The following HS6ST3 variants were observed in gnomAD, a reference collection of about 807,000 sequenced individuals.
HS6ST3 encodes the protein heparan-sulfate 6-O-sulfotransferase 3.
Under a neutral mutation model 36.7 loss-of-function variants are expected in HS6ST3, and 12 were observed. The observed-to-expected ratio is 0.33, with a 90% CI of 0.21 to 0.53. The LOEUF (loss-of-function observed/expected upper bound fraction) is 0.53, where lower values mean the gene tolerates loss of function less well. Among genes scored for constraint, HS6ST3 ranks in the 20% least tolerant of loss-of-function variants. The pLI, the probability that HS6ST3 is intolerant of heterozygous loss-of-function variation, is 0.95. For synonymous variants in HS6ST3, 240 were observed against 257.5 expected, an observed-to-expected ratio of 0.93 and a Z score of 0.65; for missense variants, 584 against 640.9, an observed-to-expected ratio of 0.91 and a Z score of 0.96.
intron 1 of HS6ST3, among the ~76,000 whole-genome samples, chr13:96,740,033 T>C (rs1181638163): frequency 1.3e-5 from 2 of 152,192 alleles, no homozygotes; most frequent in Non-Finnish European, 2.9e-5. Context: ...CTGTAAAATT[T>C]TGCCACCTAT....
At chr13:96,366,448 C>CAAATAAATAAAT (rs3086049) in intron 1 of HS6ST3, among the ~76,000 whole-genome samples, 1,825 of 148,636 alleles carry the variant, frequency 0.012, 14 homozygotes, top group South Asian at 0.02. Flanking sequence ...GACCTTGTCT[C>CAAATAAATAAAT]AAATAAATAA....
chr13:96,307,020 C>A (rs2054917186), intron 1 of HS6ST3, among the ~76,000 whole-genome samples: 1 of 152,116 alleles, frequency 6.6e-6, no homozygotes, highest in African/African-American at 2.4e-5. Flanking sequence ...ATCCAAAATT[C>A]ATACACCAAA....
intron 1 of HS6ST3, among the ~76,000 whole-genome samples, chr13:96,432,080 A>T (rs992068115): frequency 6.6e-6 from 1 of 152,286 alleles, no homozygotes; most frequent in South Asian, 2.1e-4. Flanking sequence ...CCCAGAACAA[A>T]GTATGGAAAT....
intron 1 of HS6ST3, among the ~76,000 whole-genome samples, chr13:96,363,115 T>C (rs2055246495): frequency 6.6e-6 from 1 of 151,950 alleles, no homozygotes; most frequent in Non-Finnish European, 1.5e-5. Flanking sequence ...TGTGATCGAA[T>C]TGCATAGGAC....
intron 1 of HS6ST3, among the ~76,000 whole-genome samples, chr13:96,757,433 A>T (rs1485837117): frequency 3.3e-5 from 5 of 152,198 alleles, no homozygotes; most frequent in African/African-American, 1.2e-4. Context: ...GAAAATACAG[A>T]TGATTTTACT....
chr13:96,380,699 G>T (rs1400737839), intron 1 of HS6ST3, among the ~76,000 whole-genome samples: 2 of 152,134 alleles, frequency 1.3e-5, no homozygotes, highest in African/African-American at 4.8e-5. Flanking sequence ...GCTAAATAAA[G>T]AAATAGTTTT....
chr13:96,533,583 A>G (rs1357073056), intron 1 of HS6ST3, among the ~76,000 whole-genome samples: 3 of 152,198 alleles, frequency 2.0e-5, no homozygotes, highest in Admixed American at 6.5e-5. Flanking sequence ...GAAGACATCA[A>G]CGGGGGCAGA....
chr13:96,212,737 A>T (rs575961923), intron 1 of HS6ST3, among the ~76,000 whole-genome samples: 1 of 152,178 alleles, frequency 6.6e-6, no homozygotes, highest in African/African-American at 2.4e-5. Context: ...TAAAGTGTGT[A>T]AGAATTTGGG....
intron 1 of HS6ST3, among the ~76,000 whole-genome samples, chr13:96,347,361 T>A (rs2055160968): frequency 6.6e-6 from 1 of 152,208 alleles, no homozygotes; most frequent in Non-Finnish European, 1.5e-5. Context: ...ACCACTTTTA[T>A]GCCTCATTCT....
At chr13:96,759,658 A>C (rs1237311933) in intron 1 of HS6ST3, among the ~76,000 whole-genome samples, 2 of 151,924 alleles carry the variant, frequency 1.3e-5, no homozygotes, top group African/African-American at 2.4e-5. Flanking sequence ...ATAAATTATA[A>C]GTATATAATT....
chr13:96,385,104 A>T (rs569714667), intron 1 of HS6ST3, among the ~76,000 whole-genome samples: 3 of 149,816 alleles, frequency 2.0e-5, no homozygotes, highest in Middle Eastern at 3.5e-3. Flanking sequence ...GCTTGAACCC[A>T]GGAGGCAGAG....
At chr13:96,565,562 A>G (rs977698362) in intron 1 of HS6ST3, among the ~76,000 whole-genome samples, 4 of 152,188 alleles carry the variant, frequency 2.6e-5, no homozygotes, top group African/African-American at 9.6e-5. Flanking sequence ...CATGGGAGAG[A>G]TGGGACACTA....
At chr13:96,138,371 A>G (rs1003494241) in intron 1 of HS6ST3, among the ~76,000 whole-genome samples, 3 of 149,970 alleles carry the variant, frequency 2.0e-5, no homozygotes, top group African/African-American at 7.3e-5. Context: ...GATATATAAC[A>G]TATATAAATA....
intron 1 of HS6ST3, among the ~76,000 whole-genome samples, chr13:96,493,868 C>T (rs955384803): frequency 6.6e-6 from 1 of 152,154 alleles, no homozygotes; most frequent in Admixed American, 6.5e-5. Flanking sequence ...CATTTTAAAA[C>T]AAATATAAGG....
At chr13:96,544,847 G>A (rs1385442081) in intron 1 of HS6ST3, among the ~76,000 whole-genome samples, 2 of 152,160 alleles carry the variant, frequency 1.3e-5, no homozygotes, top group Non-Finnish European at 2.9e-5. Flanking sequence ...CTTGGGCACT[G>A]GAGAAAATCT....
intron 1 of HS6ST3, among the ~76,000 whole-genome samples, chr13:96,328,083 G>A (rs1338004522): frequency 6.8e-6 from 1 of 146,410 alleles, no homozygotes; most frequent in Non-Finnish European, 1.5e-5. Flanking sequence ...ATTTTGGGCT[G>A]AGACAGTGGG....
rs116279713 is a variant in HS6ST3 at position 96,604,079 on chromosome 13, G to A, written c.708-228411G>A. ...CTTGCTTACTGTGCATATGGTAAGA[G>A]CTGTGCATTTCAAGTTAAATATAGG... On this transcript the variant is annotated intron_variant, in intron 1 of 1. Coordinates refer to ENST00000376705, the MANE Select transcript of HS6ST3 (RefSeq NM_153456.4). Among the ~76,000 whole-genome samples, 891 of 152,282 alleles carry A rather than the reference G, an allele frequency of 5.9e-3. 5 individuals are homozygous for A. The highest frequency in any genetic ancestry group is 0.02 in the African/African-American group (843 of 41,570).
chr13:96,190,464 A>G (rs1475684906), intron 1 of HS6ST3, among the ~76,000 whole-genome samples: 2 of 152,060 alleles, frequency 1.3e-5, no homozygotes, highest in Admixed American at 1.3e-4. Flanking sequence ...CACCTCCCCA[A>G]ACTACTCTCC....
At chr13:96,322,009 T>C (rs1351705280) in intron 1 of HS6ST3, among the ~76,000 whole-genome samples, 1 of 148,890 alleles carries the variant, frequency 6.7e-6, no homozygotes, top group South Asian at 2.1e-4. Flanking sequence ...AAAAAAAAAA[T>C]GGAACTCATC....
Sources: allele counts gnomAD v4.1 joint callset (sites outside exome capture counted in the v4.1 genomes callset), GRCh38; gene constraint gnomAD v4.1.1; transcripts MANE v1.5; gene names NCBI Gene and HGNC (gene_info 2026-07-23, HGNC 2026-07-21).